BCR: variants seen among roughly 807,000 people sequenced by gnomAD.
The protein encoded by BCR is BCR activator of RhoGEF and GTPase.
A neutral mutation model predicts 138.6 loss-of-function variants in BCR; 58 were observed. The observed-to-expected ratio is 0.42, with a 90% CI of 0.34 to 0.52. The LOEUF is 0.52. Ranked by LOEUF, BCR falls within the 20% of genes least tolerant of loss-of-function variation. The pLI is 0.06. For synonymous variants in BCR, 786 were observed against 730.1 expected (o/e 1.08, Z -1.23); for missense variants, 1,599 against 1,727.2 (o/e 0.93, Z 1.32).
chr22:23,257,860 G>T (rs1043375477), intron 2 of BCR, among the ~76,000 whole-genome samples: 1 of 152,200 alleles, frequency 6.6e-6, no homozygotes, highest in Non-Finnish European at 1.5e-5. Flanking sequence ...AGCCCTCAGA[G>T]ATTCATAAAA....
At chr22:23,245,708 G>A (rs1449721239) in intron 1 of BCR, among the ~76,000 whole-genome samples, 5 of 151,992 alleles carry the variant, frequency 3.3e-5, no homozygotes, top group Non-Finnish European at 2.9e-5. Context: ...ATGGCCAGGC[G>A]GTACTGATGT....
At chr22:23,283,716 T>C (rs993447211) in intron 8 of BCR, 1 of 421,558 alleles carries the variant, frequency 2.4e-6, no homozygotes, top group Non-Finnish European at 4.2e-6. Context: ...TCCCACCCTC[T>C]TCCAAAGGCT....
At chr22:23,299,164 T>A (rs1274919128) in intron 16 of BCR, among the ~76,000 whole-genome samples, 1 of 152,058 alleles carries the variant, frequency 6.6e-6, no homozygotes, top group African/African-American at 2.4e-5. Flanking sequence ...ACCCAGCTAA[T>A]TTCTTGTATT....
intron 4 of BCR, chr22:23,264,170 G>C: frequency 1.4e-6 from 2 of 1,405,834 alleles, no homozygotes; most frequent in Non-Finnish European, 2.0e-6. Flanking sequence ...GCAACCACTT[G>C]CTTGCCACAG....
intron 10 of BCR, among the ~76,000 whole-genome samples, chr22:23,285,698 C>G (rs904609727): frequency 3.3e-5 from 5 of 152,190 alleles, no homozygotes; most frequent in African/African-American, 1.2e-4. Context: ...TTCGGAAACA[C>G]AGCACCACAA....
intron 2 of BCR, 169 bp from the exon 3 acceptor site, chr22:23,260,781 C>A: frequency 1.6e-6 from 1 of 641,916 alleles, no homozygotes; most frequent in Non-Finnish European, 2.8e-6. Context: ...GAGTGTGTGG[C>A]TTAGTATGTG....
chr22:23,300,400 G>A (rs1330238372), intron 16 of BCR, among the ~76,000 whole-genome samples: 1 of 152,232 alleles, frequency 6.6e-6, no homozygotes, highest in Non-Finnish European at 1.5e-5. Context: ...TCCTCTTGAA[G>A]GCTGAGTAAT....
intron 1 of BCR, among the ~76,000 whole-genome samples, chr22:23,234,356 G>T (rs1014803951): frequency 6.6e-6 from 1 of 152,170 alleles, no homozygotes. Context: ...GGCCCCATGC[G>T]TTGAATAAGT....
At chr22:23,252,973 C>T (rs1002060585) in intron 1 of BCR, among the ~76,000 whole-genome samples, 9 of 152,290 alleles carry the variant, frequency 5.9e-5, no homozygotes, top group Middle Eastern at 3.4e-3. Context: ...CTGCCCCTAA[C>T]GTCAGGTGTC....
chr22:23,201,440 TCTC>T (rs1167614313), intron 1 of BCR, among the ~76,000 whole-genome samples: 27 of 147,918 alleles, frequency 1.8e-4, no homozygotes, highest in Non-Finnish European at 3.3e-4. Flanking sequence ...GCTTTTCTCT[TCTC>T]AGTGAATCTG....
At chr22:23,197,545 T>C (rs2072498517) in intron 1 of BCR, among the ~76,000 whole-genome samples, 1 of 152,184 alleles carries the variant, frequency 6.6e-6, no homozygotes, top group South Asian at 2.1e-4. Flanking sequence ...GCCAACTGTA[T>C]GCTCAGAAAG....
intron 8 of BCR, among the ~76,000 whole-genome samples, chr22:23,282,437 C>T (rs1222255967): frequency 6.6e-6 from 1 of 152,222 alleles, no homozygotes; most frequent in Non-Finnish European, 1.5e-5. Flanking sequence ...GGTTCCCCTT[C>T]GCAAGAGCCG....
At chr22:23,262,375 C>T (rs920396145) in intron 4 of BCR, among the ~76,000 whole-genome samples, 22 of 152,138 alleles carry the variant, frequency 1.4e-4, no homozygotes, top group African/African-American at 5.3e-4. Flanking sequence ...TGTAGGGGGA[C>T]CCCTCCCTCT....
intron 1 of BCR, among the ~76,000 whole-genome samples, chr22:23,201,152 C>T (rs1341110130): frequency 3.3e-5 from 5 of 152,256 alleles, no homozygotes; most frequent in African/African-American, 4.8e-5. Flanking sequence ...CACACGTGCG[C>T]AGCTGGTCTG....
In BCR at chr22:23,268,953, C is replaced by T. The variant is rs568733961; in HGVS notation, c.1860+438C>T. On this transcript the variant is annotated intron_variant, in intron 5 of 22. Coordinates refer to ENST00000305877, the MANE Select transcript of BCR (RefSeq NM_004327.4). ...TGAGGAAGCATTGAGGGGCTAGCGC[C>T]GTGGGGCGAGGGCTCATGGCACCTG... Among the ~76,000 whole-genome samples, 113 of 152,294 alleles carry T rather than the reference C, an allele frequency of 7.4e-4. 1 individual carries two copies. Among genetic ancestry groups the T allele is most frequent in the Non-Finnish European group, 1.5e-4 (10 of 68,018 alleles).
chr22:23,290,246 C>T, intron 13 of BCR, 93 bp from the exon 14 acceptor site: 1 of 1,273,938 alleles, frequency 7.8e-7, no homozygotes. Context: ...CACACAGTGT[C>T]CACCGGATGG....
chr22:23,249,727 C>T lies in BCR; in HGVS notation c.1280-4072C>T, dbSNP rs141390035. On this transcript the variant is annotated intron_variant, in intron 1 of 22. Coordinates refer to ENST00000305877, the MANE Select transcript of BCR (RefSeq NM_004327.4). ...AAATTGAGGGGCAGTCCTCCCCACA[C>T]CATCATTTGCCTTGGAGCAGACTGG... is the stretch of plus-strand genomic sequence containing the variant. Among the ~76,000 whole-genome samples, 349 of 152,264 alleles carry T rather than the reference C, an allele frequency of 2.3e-3. 3 individuals carry two copies. The highest frequency in any genetic ancestry group is 8.0e-3 in the African/African-American group (333 of 41,542).
At chr22:23,250,256 C>G (rs5996506) in intron 1 of BCR, among the ~76,000 whole-genome samples, 2 of 152,234 alleles carry the variant, frequency 1.3e-5, no homozygotes, top group Admixed American at 6.5e-5. Flanking sequence ...GTCATGGGCT[C>G]GGAAAGCACT....
chr22:23,182,289 A>C (rs2072279864), intron 1 of BCR, 50 bp downstream of exon 1: 1 of 1,474,932 alleles, frequency 6.8e-7, no homozygotes, highest in Middle Eastern at 1.8e-4. Context: ...GGGGAGGAAA[A>C]CCATAGACGA....
Sources: allele counts gnomAD v4.1 joint callset (sites outside exome capture counted in the v4.1 genomes callset), GRCh38; gene constraint gnomAD v4.1.1; transcripts MANE v1.5; gene names NCBI Gene and HGNC (gene_info 2026-07-23, HGNC 2026-07-21).